RAB6B: variants seen among roughly 807,000 people sequenced by gnomAD.
RAB6B encodes the protein RAB6B, member RAS oncogene family, also known as ras-related protein Rab-6B.
In RAB6B, 7 loss-of-function variants were observed where a neutral mutation model predicts 31.2. The observed-to-expected ratio is 0.22, with a 90% confidence interval of 0.13 to 0.42. RAB6B has a LOEUF of 0.42. RAB6B is among the 10% of genes least tolerant of loss of function. RAB6B has a pLI of 1.00. For synonymous variants in RAB6B, 105 were observed against 104.9 expected (o/e 1.00, Z -0.01); for missense variants, 149 against 280.6 (o/e 0.53, Z 3.35).
At chr3:133,837,092 C>CCTCCCCATA (rs1212822866) in intron 6 of RAB6B, among the ~76,000 whole-genome samples, 1 of 152,028 alleles carries the variant, frequency 6.6e-6, no homozygotes, top group Non-Finnish European at 1.5e-5. Flanking sequence ...ACCTCGGGCA[C>CCTCCCCATA]CCTGCAGCCA....
At chr3:133,830,900 C>G (rs903113820) in intron 7 of RAB6B, among the ~76,000 whole-genome samples, 8 of 152,178 alleles carry the variant, frequency 5.3e-5, no homozygotes, top group African/African-American at 1.9e-4. Context: ...CTATGAGATG[C>G]CAGTTAAACC....
At chr3:133,891,452 C>G (rs1467099038) in intron 1 of RAB6B, among the ~76,000 whole-genome samples, 2 of 152,182 alleles carry the variant, frequency 1.3e-5, no homozygotes, top group Non-Finnish European at 2.9e-5. Flanking sequence ...CCTTGCTAGC[C>G]TACGGAAGCT....
At position 133,895,413 on chromosome 3, in the gene RAB6B, G is replaced by A. The variant is rs1270458581; in HGVS notation, c.54C>T (p.Phe18=). The A allele has an allele frequency of 2.5e-6, 4 of 1,611,852 alleles. No individual in the cohort carries two copies. In the African/African-American group the frequency reaches 4.0e-5, roughly 16 times the overall value. The part of the protein sequence containing the change: ...GNPLRKFKLV[F]LGEQSVGKTS... ...GGTACTTACCGCTCTGCTCCCCCAA[G>A]AACACCAACTTGAATTTTCTCAGTG... is the stretch of plus-strand genomic sequence containing the variant. Residue 18 remains phenylalanine (F), a synonymous_variant, in exon 1 of 8, where the codon TTC becomes TTT. Transcript: ENST00000285208.
intron 6 of RAB6B, among the ~76,000 whole-genome samples, chr3:133,835,059 A>G (rs1935712907): frequency 6.6e-6 from 1 of 152,150 alleles, no homozygotes. Flanking sequence ...TGCCCTTGAG[A>G]TGAATGACTC....
intron 1 of RAB6B, chr3:133,885,759 C>T (rs1559914415): frequency 4.9e-6 from 3 of 608,040 alleles, no homozygotes; most frequent in Non-Finnish European, 8.8e-6. Context: ...ATAGTCCCTC[C>T]CCTACAATCC....
At position 133,825,894 on chromosome 3, in the gene RAB6B, T is replaced by C. The variant is rs1361383017; in HGVS notation, c.*2894A>G. On this transcript the variant is annotated 3_prime_UTR_variant, in exon 8 of 8. Coordinates refer to ENST00000285208, the MANE Select transcript of RAB6B (RefSeq NM_016577.4). ...CTCCAATTTGCCCTCTGCTAACCCA[T>C]CTGGATTCAGCAAAGATGCAATGCT... 1 of 152,152 alleles carries C rather than the reference T, an allele frequency of 6.6e-6. No homozygotes were observed. Among genetic ancestry groups the C allele is most frequent in the Non-Finnish European group, 1.5e-5 (1 of 68,026 alleles). The allele number at this position is 152,152 out of a possible 1,614,324, so 9.4% of individuals were successfully genotyped here.
intron 1 of RAB6B, among the ~76,000 whole-genome samples, chr3:133,868,643 C>T (rs2108006081): frequency 6.6e-6 from 1 of 152,346 alleles, no homozygotes; most frequent in Non-Finnish European, 1.5e-5. Context: ...TTTCTCTCTG[C>T]TCATGGCTCA....
intron 1 of RAB6B, among the ~76,000 whole-genome samples, chr3:133,891,653 T>C (rs1485844287): frequency 6.6e-6 from 1 of 151,954 alleles, no homozygotes; most frequent in African/African-American, 2.4e-5. Context: ...AAACAGATAA[T>C]GGAGGGAGGA....
chr3:133,828,995 G>C (rs978584337), intron 7 of RAB6B, 143 bp from the exon 8 acceptor site: 1 of 723,708 alleles, frequency 1.4e-6, no homozygotes, highest in African/African-American at 1.8e-5. Flanking sequence ...GGGCTAGGAA[G>C]GATGCAATAC....
intron 2 of RAB6B, among the ~76,000 whole-genome samples, chr3:133,863,731 T>C (rs899513739): frequency 3.3e-5 from 5 of 152,130 alleles, no homozygotes; most frequent in African/African-American, 1.2e-4. Flanking sequence ...CAACACCTCT[T>C]GGAATTAGTA....
chr3:133,864,658 GA>G lies in RAB6B; in HGVS notation c.71-17del, dbSNP rs1166116732. The G allele has an allele frequency of 6.2e-7, 1 of 1,612,246 alleles. No homozygotes were observed. Among genetic ancestry groups the G allele is most frequent in the East Asian group, 2.2e-5 (1 of 44,866 alleles). ...GTCTTCCCGACTGCAAAACAACAAGGAGAGAGGTGTTCAGTCATGGCATCTG... is the reference window on the plus strand; with the variant it reads ...GTCTTCCCGACTGCAAAACAACAAGGGAGAGGTGTTCAGTCATGGCATCTG... On this transcript the variant is annotated splice_polypyrimidine_tract_variant and intron_variant, in intron 1 of 7. Coordinates refer to ENST00000285208, the MANE Select transcript of RAB6B (RefSeq NM_016577.4).
chr3:133,880,950 A>C (rs80250232), intron 1 of RAB6B, among the ~76,000 whole-genome samples: 1,544 of 152,350 alleles, frequency 0.01, 25 homozygotes, highest in African/African-American at 0.035. Flanking sequence ...TGGAAAATGC[A>C]CTTAGATCCC....
At chr3:133,849,750 T>A (rs1216885110) in intron 2 of RAB6B, among the ~76,000 whole-genome samples, 2 of 152,200 alleles carry the variant, frequency 1.3e-5, no homozygotes, top group Non-Finnish European at 2.9e-5. Flanking sequence ...ACTATCTGGC[T>A]ACCTACTGTC....
intron 1 of RAB6B, among the ~76,000 whole-genome samples, chr3:133,880,579 T>G (rs923674719): frequency 2.0e-5 from 3 of 152,228 alleles, no homozygotes; most frequent in African/African-American, 7.2e-5. Flanking sequence ...GCAGCCATAG[T>G]GCTGACCTGC....
Position 133,831,268 on chromosome 3 carries a change from G to A in RAB6B, c.563-2416C>T, listed in dbSNP as rs1192015150. On this transcript the variant is annotated intron_variant, in intron 7 of 7. Coordinates refer to ENST00000285208, the MANE Select transcript of RAB6B (RefSeq NM_016577.4). The stretch of plus-strand genomic sequence containing the variant: ...GTGTTTTTAACAAGTTCTTTGGAGA[G>A]TCCCAATGCACAGACATCCGGGAAA... Among the ~76,000 whole-genome samples, 4 of 152,182 alleles carry A rather than the reference G, an allele frequency of 2.6e-5. No homozygotes were observed. The East Asian group carries it at 5.8e-4, about 22-fold the overall frequency.
Position 133,834,576 on chromosome 3 carries a change from C to T in RAB6B, c.561G>A (p.Gly187=), listed in dbSNP as rs757309203. ...MENVQEKSKE[G]MIDIKLDKPQ... ...TCACTTGTCAAAGGAAAAGGATACT[C>T]CCTTCTTTGCTTTTCTCCTGGACAT... The change falls in exon 7 of 8, where the codon GGG becomes GGA. Residue 187 remains glycine, a splice_region_variant and synonymous_variant. Transcript: ENST00000285208. 1 of 1,611,850 alleles carries T rather than the reference C, an allele frequency of 6.2e-7. No individual in the cohort carries two copies. The highest frequency in any genetic ancestry group is 8.5e-7 in the Non-Finnish European group (1 of 1,177,914).
chr3:133,867,069 G>C (rs1936248050), intron 1 of RAB6B, among the ~76,000 whole-genome samples: 1 of 152,196 alleles, frequency 6.6e-6, no homozygotes, highest in Admixed American at 6.5e-5. Context: ...TGAAAACTTG[G>C]AAATCCCTGC....
chr3:133,828,776 G>A lies in RAB6B; in HGVS notation c.*12C>T. 4 of 1,602,188 alleles carry A rather than the reference G, an allele frequency of 2.5e-6. No individual in the cohort carries two copies. Among genetic ancestry groups the A allele is most frequent in the Non-Finnish European group, 2.6e-6 (3 of 1,169,856 alleles). ...CAAGGAGTGTCATGGGAAGCCACAG[G>A]TCGGCTCTGCATTAGCAGGAGCAGC... is the stretch of plus-strand genomic sequence containing the variant. On this transcript the variant is annotated 3_prime_UTR_variant, in exon 8 of 8. Transcript: ENST00000285208.
intron 2 of RAB6B, among the ~76,000 whole-genome samples, chr3:133,857,520 A>G (rs1479284307): frequency 3.3e-5 from 5 of 151,598 alleles, no homozygotes; most frequent in Non-Finnish European, 7.4e-5. Flanking sequence ...CTACCAGGGC[A>G]GAAGATCCTG....
Sources: allele counts gnomAD v4.1 joint callset (sites outside exome capture counted in the v4.1 genomes callset), GRCh38; gene constraint gnomAD v4.1.1; transcripts MANE v1.5; gene names NCBI Gene and HGNC (gene_info 2026-07-23, HGNC 2026-07-21).